GALNT13: variants seen among roughly 807,000 people sequenced by gnomAD.
GALNT13 encodes polypeptide N-acetylgalactosaminyltransferase 13.
Under a neutral mutation model 64.2 loss-of-function variants are expected in GALNT13, and 28 were observed. The observed-to-expected ratio is 0.44, with a 90% CI of 0.32 to 0.60. The LOEUF (loss-of-function observed/expected upper bound fraction) is 0.60. Ranked by LOEUF, GALNT13 falls within the 20% of genes least tolerant of loss-of-function variation. The pLI is 0.05. For missense variants in GALNT13, 577 were observed against 669.8 expected (o/e 0.86, Z 1.53); for synonymous variants, 214 against 224.6 (o/e 0.95, Z 0.42).
the GALNT13 span, among the ~76,000 whole-genome samples, chr2:153,672,013 A>G: frequency 2.6e-5 from 4 of 152,224 alleles, no homozygotes; most frequent in Admixed American, 6.5e-5. Flanking sequence ...TATCCTAAAT[A>G]TATATTCACC....
chr2:153,979,846 A>G (rs1694340335), intron 3 of GALNT13, among the ~76,000 whole-genome samples: 1 of 152,180 alleles, frequency 6.6e-6, no homozygotes, highest in African/African-American at 2.4e-5. Flanking sequence ...AGCCTCGTCA[A>G]AAGTCTGTGA....
chr2:153,662,561 T>A, the GALNT13 span, among the ~76,000 whole-genome samples: 1 of 152,178 alleles, frequency 6.6e-6, no homozygotes, highest in Non-Finnish European at 1.5e-5. Context: ...TTCTATAGGA[T>A]GAAGCATCCT....
At chr2:153,868,704 T>G (rs73966826), upstream of GALNT13, among the ~76,000 whole-genome samples, 21 of 152,342 alleles carry the variant, frequency 1.4e-4, no homozygotes, top group African/African-American at 4.6e-4. Context: ...TTGTATACTC[T>G]GTAGCTAAGG....
At chr2:154,389,195 G>A (rs1698662553) in intron 9 of GALNT13, among the ~76,000 whole-genome samples, 1 of 152,108 alleles carries the variant, frequency 6.6e-6, no homozygotes, top group Admixed American at 6.6e-5. Flanking sequence ...GAGAACAGTG[G>A]TGCCATCTCG....
At position 154,005,714 on chromosome 2, in the gene GALNT13, A is replaced by ATT. The variant is rs146046415; in HGVS notation, c.142+61084_142+61085dup. On this transcript the variant is annotated intron_variant, in intron 3 of 12. Coordinates refer to ENST00000392825, the MANE Select transcript of GALNT13 (RefSeq NM_052917.4). ...AAATGTTACTTAAATACTTCGATTT[A>ATT]TTTTTTTTTTGTGGTTAAAATAAAA... Among the ~76,000 whole-genome samples, 109 of 150,388 alleles carry ATT rather than the reference A, an allele frequency of 7.2e-4. 2 individuals are homozygous for ATT. In the East Asian group the frequency reaches 0.018, roughly 25 times the overall value.
chr2:153,926,629 G>A (rs964884186), intron 2 of GALNT13, among the ~76,000 whole-genome samples: 1 of 152,086 alleles, frequency 6.6e-6, no homozygotes, highest in African/African-American at 2.4e-5. Flanking sequence ...TCGTTTTAAT[G>A]GGGAATTCTG....
chr2:153,255,812 G>T, the GALNT13 span, among the ~76,000 whole-genome samples: 51 of 152,244 alleles, frequency 3.3e-4, no homozygotes, highest in South Asian at 1.9e-3. Context: ...TCTTCTGGCT[G>T]GTAGAGTTTC....
At chr2:154,261,804 G>A (rs1325568051) in intron 8 of GALNT13, among the ~76,000 whole-genome samples, 1 of 152,036 alleles carries the variant, frequency 6.6e-6, no homozygotes, top group Non-Finnish European at 1.5e-5. Flanking sequence ...TGTGAGTATA[G>A]GTGAACATAA....
chr2:154,169,393 G>C (rs1685227956), intron 4 of GALNT13, among the ~76,000 whole-genome samples: 1 of 152,166 alleles, frequency 6.6e-6, no homozygotes, highest in African/African-American at 2.4e-5. Flanking sequence ...CACGTCACTG[G>C]ATGTAAACTA....
the GALNT13 span, among the ~76,000 whole-genome samples, chr2:153,559,826 C>A: frequency 1.3e-5 from 2 of 151,988 alleles, no homozygotes; most frequent in African/African-American, 4.8e-5. Context: ...ATTTGGCTAA[C>A]TTTTTCAGTA....
rs1431179944 is a variant in GALNT13 at position 153,871,948 on chromosome 2, G to T, written c.-532G>T. ...ACCAGGCGGCGGCGGCTCTGCTGAG[G>T]TGACAACGTGCTAGCAGCCCTCGCT... On this transcript the variant is annotated 5_prime_UTR_variant, in exon 1 of 13. Coordinates refer to ENST00000392825, the MANE Select transcript of GALNT13 (RefSeq NM_052917.4). 6.6e-6 allele frequency: 1 copy of T among 152,384 alleles called. No homozygotes were observed. Among genetic ancestry groups the T allele is most frequent in the East Asian group, 1.9e-4 (1 of 5,134 alleles). 9.4% of individuals were successfully genotyped at this position (152,384 alleles called of 1,614,324 possible).
intron 1 of GALNT13, among the ~76,000 whole-genome samples, chr2:153,883,292 A>C (rs1686908672): frequency 6.6e-6 from 1 of 151,916 alleles, no homozygotes; most frequent in African/African-American, 2.4e-5. Flanking sequence ...TATGAGTCAC[A>C]GTGAATCTCC....
chr2:153,567,980 C>T, the GALNT13 span, among the ~76,000 whole-genome samples: 8 of 152,270 alleles, frequency 5.3e-5, no homozygotes, highest in East Asian at 3.9e-4. Flanking sequence ...GACAGAGAAA[C>T]GTGTTAGCTT....
At chr2:154,004,792 A>G (rs1696142562) in intron 3 of GALNT13, among the ~76,000 whole-genome samples, 1 of 152,190 alleles carries the variant, frequency 6.6e-6, no homozygotes, top group Admixed American at 6.5e-5. Context: ...TTTCAAATAT[A>G]TGTTATTGAT....
chr2:153,797,675 T>C, the GALNT13 span, among the ~76,000 whole-genome samples: 18 of 152,154 alleles, frequency 1.2e-4, no homozygotes, highest in Non-Finnish European at 8.8e-5. Flanking sequence ...CCCCTTGTGA[T>C]GAGAGGCTGG....
At chr2:153,653,929 T>A in the GALNT13 span, among the ~76,000 whole-genome samples, 1 of 152,290 alleles carries the variant, frequency 6.6e-6, no homozygotes, top group Non-Finnish European at 1.5e-5. Flanking sequence ...GCAATGATCA[T>A]CAAAGGATGC....
At chr2:154,010,923 A>T (rs1178831424) in intron 3 of GALNT13, among the ~76,000 whole-genome samples, 1 of 151,332 alleles carries the variant, frequency 6.6e-6, no homozygotes, top group Non-Finnish European at 1.5e-5. Context: ...GTGTGTGTGT[A>T]TTTCTATGGG....
chr2:153,287,753 G>C, the GALNT13 span, among the ~76,000 whole-genome samples: 1 of 152,248 alleles, frequency 6.6e-6, no homozygotes, highest in East Asian at 1.9e-4. Flanking sequence ...CCAGCCACTT[G>C]TGTTTGTGCC....
At chr2:154,029,044 C>T (rs1028946090) in intron 3 of GALNT13, among the ~76,000 whole-genome samples, 2 of 151,852 alleles carry the variant, frequency 1.3e-5, no homozygotes, top group African/African-American at 4.8e-5. Context: ...TTGGTAAAGC[C>T]AGTTGTGCAC....
Sources: gnomAD v4.1 joint callset for allele counts (sites outside exome capture counted in the v4.1 genomes callset) on GRCh38, gnomAD v4.1.1 for gene constraint, MANE v1.5 for transcripts, NCBI Gene and HGNC (gene_info 2026-07-23, HGNC 2026-07-21) for gene names.